The following DPP6 variants were observed in gnomAD, a reference collection of about 807,000 sequenced individuals.
The protein encoded by DPP6 is dipeptidyl peptidase like 6.
A neutral mutation model predicts 122.6 loss-of-function variants in DPP6; 69 were observed. That is an observed-to-expected ratio of 0.56 (90% CI 0.46 to 0.69). DPP6 has a LOEUF of 0.69. Ranked by LOEUF, DPP6 falls within the 30% of genes least tolerant of loss-of-function variation. DPP6 has a pLI of 0.00. For missense variants in DPP6, 928 were observed against 1,116.9 expected, an observed-to-expected ratio of 0.83 and a Z score of 2.41; for synonymous variants, 418 against 433.1, an observed-to-expected ratio of 0.97 and a Z score of 0.43.
chr7:154,615,125 A>C (rs1476966177), intron 5 of DPP6, among the ~76,000 whole-genome samples: 1 of 152,208 alleles, frequency 6.6e-6, no homozygotes, highest in East Asian at 1.9e-4. Context: ...TGGGCTGGAA[A>C]TCAAAAGGCC....
chr7:153,949,808 T>A (rs1384970644), intron 1 of DPP6, among the ~76,000 whole-genome samples: 1 of 152,222 alleles, frequency 6.6e-6, no homozygotes, highest in Non-Finnish European at 1.5e-5. Context: ...AAAGGGAAGC[T>A]GGCTTCTCTG....
the DPP6 span, among the ~76,000 whole-genome samples, chr7:153,856,967 G>A: frequency 2.0e-5 from 3 of 152,110 alleles, no homozygotes. Context: ...ATGCCAGAAT[G>A]TTACTTTTTT....
chr7:154,778,753 C>T (rs530379639), intron 10 of DPP6, among the ~76,000 whole-genome samples: 36 of 151,606 alleles, frequency 2.4e-4, no homozygotes, highest in African/African-American at 8.3e-4. Context: ...CCAACACCAC[C>T]TTCACCACCA....
chr7:154,701,736 T>C (rs547748610), intron 7 of DPP6, among the ~76,000 whole-genome samples: 3 of 152,206 alleles, frequency 2.0e-5, no homozygotes, highest in African/African-American at 7.2e-5. Flanking sequence ...TCTACCTTCA[T>C]TGGGCCAGAA....
intron 7 of DPP6, among the ~76,000 whole-genome samples, chr7:154,710,502 G>C (rs76075384): frequency 4.6e-5 from 7 of 152,108 alleles, no homozygotes; most frequent in Admixed American, 4.6e-4. Context: ...CTGTTATATG[G>C]CCTATTGATG....
At chr7:154,580,204 C>A (rs1831968386) in intron 5 of DPP6, among the ~76,000 whole-genome samples, 1 of 151,270 alleles carries the variant, frequency 6.6e-6, no homozygotes, top group Admixed American at 6.6e-5. Flanking sequence ...CCCCCTTACA[C>A]ACACACACAT....
At chr7:154,788,179 C>G (rs1797451685) in intron 10 of DPP6, among the ~76,000 whole-genome samples, 1 of 152,248 alleles carries the variant, frequency 6.6e-6, no homozygotes, top group Admixed American at 6.5e-5. Flanking sequence ...CACAGTGGCT[C>G]ACCCCTGTAA....
chr7:154,553,220 G>A (rs1829762036), intron 4 of DPP6, among the ~76,000 whole-genome samples: 1 of 152,224 alleles, frequency 6.6e-6, no homozygotes, highest in African/African-American at 2.4e-5. Flanking sequence ...AGGAGAAGTT[G>A]GTTTAAGTTA....
intron 16 of DPP6, among the ~76,000 whole-genome samples, chr7:154,834,195 C>A (rs894756548): frequency 1.3e-5 from 2 of 151,888 alleles, no homozygotes; most frequent in Middle Eastern, 3.2e-3. Flanking sequence ...CAGCCGGGTG[C>A]AGTGGCTCAC....
rs754447937 is a variant in DPP6 at position 154,892,634 on chromosome 7, T to C, written c.*154T>C. 6 of 1,459,478 alleles carry C rather than the reference T, an allele frequency of 4.1e-6. No homozygotes were observed. The South Asian group carries it at 7.5e-5, about 18-fold the overall frequency. 90.4% of individuals were successfully genotyped at this position (1,459,478 alleles called of 1,614,324 possible). ...CTCGGATGCGGAAGGCAGTTTTGCT[T>C]GGGAAACAAGCTCCTTCCCCGGGGT... On this transcript the variant is annotated 3_prime_UTR_variant, in exon 26 of 26. Coordinates refer to ENST00000377770, the MANE Select transcript of DPP6 (RefSeq NM_130797.4).
chr7:153,786,783 C>T, the DPP6 span, among the ~76,000 whole-genome samples: 1 of 130,544 alleles, frequency 7.7e-6, no homozygotes, highest in Non-Finnish European at 1.7e-5. Flanking sequence ...TATTTTGGCC[C>T]ATCAGCTTGG....
chr7:154,752,026 T>C (rs932788388), intron 8 of DPP6, among the ~76,000 whole-genome samples: 2 of 152,126 alleles, frequency 1.3e-5, no homozygotes, highest in African/African-American at 4.8e-5. Context: ...ACAGAGTTTA[T>C]TGAAAGTTGC....
chr7:153,888,966 A>T (rs997524820), intron 1 of DPP6, among the ~76,000 whole-genome samples: 1 of 152,080 alleles, frequency 6.6e-6, no homozygotes, highest in African/African-American at 2.4e-5. Context: ...AATAAGTGAA[A>T]AATTCTACAT....
intron 1 of DPP6, among the ~76,000 whole-genome samples, chr7:153,978,796 A>G (rs1796435369): frequency 6.6e-6 from 1 of 152,274 alleles, no homozygotes; most frequent in African/African-American, 2.4e-5. Flanking sequence ...ACCATTTATT[A>G]AATAGGTAAT....
chr7:154,672,620 T>A (rs749070488), intron 7 of DPP6, among the ~76,000 whole-genome samples: 2 of 152,226 alleles, frequency 1.3e-5, no homozygotes, highest in Non-Finnish European at 2.9e-5. Flanking sequence ...AAGTAATAAC[T>A]GTTAATACTT....
Position 154,062,219 on chromosome 7 carries a change from G to A in DPP6, c.243+9156G>A, listed in dbSNP as rs1173048489. ...CCCACCTGGAGGACTGCGGGTGTTA[G>A]GTGTCCAAGTAGAAAGTTCAAATCT... On this transcript the variant is annotated intron_variant, in intron 1 of 25. Transcript: ENST00000377770. Among the ~76,000 whole-genome samples, 5 of 100,186 alleles carry A rather than the reference G, an allele frequency of 5.0e-5. 2 individuals are homozygous for A. The highest frequency in any genetic ancestry group is 4.0e-4 in the Admixed American group (4 of 9,986). The allele number at this position is 100,186 out of a possible 152,430, so 65.7% of individuals were successfully genotyped here.
At chr7:153,947,211 T>C (rs556743931) in intron 1 of DPP6, among the ~76,000 whole-genome samples, 1 of 152,282 alleles carries the variant, frequency 6.6e-6, no homozygotes, top group South Asian at 2.1e-4. Flanking sequence ...ACTTACTGCA[T>C]TCCTTTCCCA....
intron 16 of DPP6, among the ~76,000 whole-genome samples, chr7:154,843,947 T>C (rs1405719145): frequency 6.6e-6 from 1 of 152,266 alleles, no homozygotes; most frequent in African/African-American, 2.4e-5. Flanking sequence ...ATGCTTTGTC[T>C]ATTTCTGTCT....
At chr7:153,933,724 T>C (rs904157166) in intron 1 of DPP6, among the ~76,000 whole-genome samples, 1 of 151,792 alleles carries the variant, frequency 6.6e-6, no homozygotes, top group African/African-American at 2.4e-5. Context: ...CACACCTGCA[T>C]AGAAACACAC....
Sources: allele counts gnomAD v4.1 joint callset (sites outside exome capture counted in the v4.1 genomes callset), GRCh38; gene constraint gnomAD v4.1.1; transcripts MANE v1.5; gene names NCBI Gene and HGNC (gene_info 2026-07-23, HGNC 2026-07-21).